The following AFG1L variants were observed in gnomAD, a reference collection of about 807,000 sequenced individuals.
AFG1L encodes the protein AFG1-like ATPase.
In AFG1L, 53 loss-of-function variants were observed where a neutral mutation model predicts 62.2. The ratio of observed to expected loss-of-function variants is 0.85; its 90% confidence interval spans 0.68 to 1.07. The LOEUF (loss-of-function observed/expected upper bound fraction) is 1.07, where lower values mean the gene tolerates loss of function less well. AFG1L is among the 50% of genes least tolerant of loss of function. AFG1L has a pLI of 0.00. For synonymous variants in AFG1L, 228 were observed against 210.3 expected, an observed-to-expected ratio of 1.08 and a Z score of -0.73; for missense variants, 555 against 590.5, an observed-to-expected ratio of 0.94 and a Z score of 0.62.
chr6:108,365,459 T>C (rs1779716074), intron 5 of AFG1L, among the ~76,000 whole-genome samples: 1 of 151,372 alleles, frequency 6.6e-6, no homozygotes, highest in Admixed American at 6.6e-5. Flanking sequence ...TTTAAGGGAC[T>C]ATATTAGCCA....
rs942440134 is a variant in AFG1L at position 108,525,259 on chromosome 6, C to T, written c.*2834C>T. 2 of 152,170 alleles carry T rather than the reference C, an allele frequency of 1.3e-5. No individual in the cohort carries two copies. The highest frequency in any genetic ancestry group is 4.8e-5 in the African/African-American group (2 of 41,452). 9.4% of individuals were successfully genotyped at this position (152,170 alleles called of 1,614,324 possible). On this transcript the variant is annotated 3_prime_UTR_variant, in exon 13 of 13. Coordinates refer to ENST00000368977, the MANE Select transcript of AFG1L (RefSeq NM_145315.5). ...TAGAGAAGAAAAAGAAAAATCTTATCACTTCTCATATTTCTTTAGGCAGTG... is the reference window on the plus strand; with the variant it reads ...TAGAGAAGAAAAAGAAAAATCTTATTACTTCTCATATTTCTTTAGGCAGTG...
At chr6:108,469,502 T>C (rs912158914) in intron 8 of AFG1L, among the ~76,000 whole-genome samples, 1 of 152,112 alleles carries the variant, frequency 6.6e-6, no homozygotes, top group Non-Finnish European at 1.5e-5. Context: ...GTGTGAGTGA[T>C]AAGAAGACAG....
intron 8 of AFG1L, 84 bp downstream of exon 8, chr6:108,447,380 C>A (rs184221511): frequency 6.5e-6 from 5 of 764,612 alleles, no homozygotes; most frequent in East Asian, 5.4e-5. Context: ...ATTATTGGAA[C>A]GTGAAAGGCT....
intron 7 of AFG1L, among the ~76,000 whole-genome samples, chr6:108,415,502 G>A (rs188132640): frequency 5.9e-5 from 9 of 152,196 alleles, no homozygotes; most frequent in African/African-American, 1.9e-4. Flanking sequence ...GAGGCATCAC[G>A]CTACCTGACT....
chr6:108,494,726 A>G (rs962875754), intron 10 of AFG1L, among the ~76,000 whole-genome samples: 2 of 151,536 alleles, frequency 1.3e-5, no homozygotes, highest in Non-Finnish European at 2.9e-5. Flanking sequence ...TACTCTGCAA[A>G]TACACACATT....
chr6:108,510,167 G>T (rs375887106), intron 10 of AFG1L, 45 bp from the exon 11 acceptor site: 139 of 1,501,544 alleles, frequency 9.3e-5, no homozygotes, highest in Middle Eastern at 2.1e-4. Context: ...AAGGCAACCA[G>T]AATTGGTTTA....
chr6:108,488,618 C>T (rs1294832905), intron 10 of AFG1L, among the ~76,000 whole-genome samples: 6 of 151,520 alleles, frequency 4.0e-5, no homozygotes, highest in African/African-American at 7.3e-5. Context: ...TTTGGGAGGC[C>T]GAGGTGGGCA....
intron 5 of AFG1L, among the ~76,000 whole-genome samples, chr6:108,358,516 G>C (rs1779388566): frequency 6.6e-6 from 1 of 151,966 alleles, no homozygotes; most frequent in Non-Finnish European, 1.5e-5. Context: ...TCAGAGAAAT[G>C]ATTGGCTTTT....
intron 10 of AFG1L, among the ~76,000 whole-genome samples, chr6:108,484,780 GAA>G (rs1032667166): frequency 3.7e-4 from 56 of 152,130 alleles, no homozygotes; most frequent in African/African-American, 1.2e-3. Context: ...CTTCTTATAT[GAA>G]TTTATTTTGT....
At chr6:108,441,177 A>G (rs1481146951) in intron 7 of AFG1L, among the ~76,000 whole-genome samples, 1 of 152,196 alleles carries the variant, frequency 6.6e-6, no homozygotes. Flanking sequence ...TCCAACTGGG[A>G]TGGAGTAGAA....
intron 6 of AFG1L, among the ~76,000 whole-genome samples, chr6:108,380,114 A>G (rs1780433430): frequency 1.3e-5 from 2 of 150,754 alleles, no homozygotes; most frequent in Non-Finnish European, 3.0e-5. Flanking sequence ...ATGCCTGGAG[A>G]TCTTCCTGGG....
At chr6:108,357,194 C>T (rs1779326258) in intron 5 of AFG1L, among the ~76,000 whole-genome samples, 1 of 2,734 alleles carries the variant, frequency 3.7e-4, no homozygotes, top group South Asian at 0.083. Flanking sequence ...TTCAACTTCC[C>T]GCCTCAGCTG....
At chr6:108,379,314 T>C (rs936201702) in intron 6 of AFG1L, among the ~76,000 whole-genome samples, 2 of 152,164 alleles carry the variant, frequency 1.3e-5, no homozygotes, top group African/African-American at 2.4e-5. Flanking sequence ...CCGGCTGCCC[T>C]ATGTACTTCT....
Position 108,295,125 on chromosome 6 carries a change from C to G in AFG1L, c.46C>G (p.Gln16Glu), listed in dbSNP as rs766857299. ...CTTGGTTACCCTGCGCCCCTTAGCA[C>G]AGAGCCCGCTGAGAGGGAGATGTGT... is the stretch of plus-strand genomic sequence containing the variant. ...SLLVTLRPLA[Q>E]SPLRGRCVGC... The change falls in exon 1 of 13, where the codon CAG becomes GAG. Residue 16 changes from glutamine to glutamate, a missense_variant. By Grantham distance (29) the Gln-to-Glu change is conservative. Transcript: ENST00000368977. 1.9e-6 allele frequency: 3 copies of G among 1,611,464 alleles called. No homozygotes were observed. The highest frequency in any genetic ancestry group is 2.2e-5 in the South Asian group (2 of 91,084).
chr6:108,331,185 C>T, intron 2 of AFG1L, among the ~76,000 whole-genome samples: 1 of 152,038 alleles, frequency 6.6e-6, no homozygotes, highest in East Asian at 1.9e-4. Flanking sequence ...AATTGGGAGG[C>T]TGAGGTGGGA....
chr6:108,450,479 A>G (rs976178964), intron 8 of AFG1L, among the ~76,000 whole-genome samples: 2 of 151,876 alleles, frequency 1.3e-5, no homozygotes, highest in Non-Finnish European at 2.9e-5. Flanking sequence ...GTTTGAGTTC[A>G]TTGTAGATTC....
intron 11 of AFG1L, among the ~76,000 whole-genome samples, chr6:108,515,379 C>T (rs1386382825): frequency 3.3e-5 from 5 of 152,188 alleles, no homozygotes; most frequent in African/African-American, 1.2e-4. Flanking sequence ...GGAAACTGAA[C>T]AGCCTGCTCC....
chr6:108,460,103 A>G (rs964249898), intron 8 of AFG1L, among the ~76,000 whole-genome samples: 2 of 152,188 alleles, frequency 1.3e-5, no homozygotes, highest in African/African-American at 2.4e-5. Context: ...AAAAAATGCA[A>G]ATACTACAGG....
At chr6:108,346,838 T>C in intron 2 of AFG1L, 150 bp from the exon 3 acceptor site, 1 of 601,074 alleles carries the variant, frequency 1.7e-6, no homozygotes, top group South Asian at 2.0e-5. Flanking sequence ...ATATTTCAGC[T>C]TTAAACACTT....
Sources: gnomAD v4.1 joint callset for allele counts (sites outside exome capture counted in the v4.1 genomes callset) on GRCh38, gnomAD v4.1.1 for gene constraint, MANE v1.5 for transcripts, NCBI Gene and HGNC (gene_info 2026-07-23, HGNC 2026-07-21) for gene names.